The following ANO3 variants were observed in gnomAD, a reference collection of about 807,000 sequenced individuals.
ANO3 encodes anoctamin-3.
In ANO3, 99 loss-of-function variants were observed where a neutral mutation model predicts 144.8. The observed-to-expected ratio is 0.68, with a 90% CI of 0.58 to 0.81. The LOEUF is 0.81. Ranked by LOEUF, ANO3 falls within the 30% of genes least tolerant of loss-of-function variation. The pLI is 0.00. For missense variants in ANO3, 905 were observed against 1,202.2 expected, an observed-to-expected ratio of 0.75 and a Z score of 3.66; for synonymous variants, 414 against 392.6, an observed-to-expected ratio of 1.05 and a Z score of -0.64.
chr11:26,525,709 A>G, intron 7 of ANO3, 30 bp downstream of exon 7: 1 of 1,581,026 alleles, frequency 6.3e-7, no homozygotes, highest in Non-Finnish European at 8.6e-7. Context: ...TTTCTTTATA[A>G]CAAATTTGTC....
chr11:26,520,106 T>G (rs11029596), intron 6 of ANO3, among the ~76,000 whole-genome samples: 24,032 of 152,150 alleles, frequency 0.16, 2,010 homozygotes, highest in South Asian at 0.27. Flanking sequence ...ATTTAAAAAA[T>G]CTTTATCACA....
intron 14 of ANO3, chr11:26,567,131 T>C: frequency 7.0e-7 from 1 of 1,430,340 alleles, no homozygotes; most frequent in Non-Finnish European, 9.2e-7. Flanking sequence ...CAATGGCTAG[T>C]AACAGAAGCT....
At chr11:26,528,453 T>C (rs1053933355) in intron 7 of ANO3, among the ~76,000 whole-genome samples, 9 of 152,218 alleles carry the variant, frequency 5.9e-5, no homozygotes, top group African/African-American at 1.9e-4. Context: ...CAAATGATGG[T>C]CTGAAAACCC....
At chr11:26,264,566 T>C (rs1464778943) in intron 1 of ANO3, among the ~76,000 whole-genome samples, 1 of 152,196 alleles carries the variant, frequency 6.6e-6, no homozygotes, top group Non-Finnish European at 1.5e-5. Context: ...TCATATTTCT[T>C]ATTGCATTAG....
chr11:26,529,515 T>C (rs535902945), intron 7 of ANO3, among the ~76,000 whole-genome samples: 10 of 132,636 alleles, frequency 7.5e-5, no homozygotes, highest in Non-Finnish European at 1.1e-4. Context: ...ATTCCTGAGA[T>C]ACAATACTTG....
At chr11:26,425,537 C>G (rs888103193) in intron 1 of ANO3, among the ~76,000 whole-genome samples, 1 of 151,912 alleles carries the variant, frequency 6.6e-6, no homozygotes, top group Non-Finnish European at 1.5e-5. Flanking sequence ...GTAAATATAA[C>G]TACTGAAATT....
intron 17 of ANO3, among the ~76,000 whole-genome samples, chr11:26,606,742 T>C (rs996396231): frequency 1.3e-5 from 2 of 152,212 alleles, no homozygotes; most frequent in Non-Finnish European, 2.9e-5. Context: ...TTTGTGTCTT[T>C]TAATTGGGGC....
chr11:26,217,382 C>A (rs763184924), intron 1 of ANO3, among the ~76,000 whole-genome samples: 1 of 151,970 alleles, frequency 6.6e-6, no homozygotes, highest in Non-Finnish European at 1.5e-5. Context: ...TCAGCTTGAA[C>A]TTCAAGGAGT....
At chr11:26,460,715 G>A (rs56084821) in intron 3 of ANO3, among the ~76,000 whole-genome samples, 141,387 of 151,864 alleles carry the variant, frequency 0.93, 66,067 homozygotes, top group East Asian at 1. Flanking sequence ...AAAGTAAACA[G>A]AAAAATCTCT....
chr11:26,586,503 C>CTTTTTTTTTTTTTTTT (rs550057766), intron 14 of ANO3, among the ~76,000 whole-genome samples: 1,676 of 81,366 alleles, frequency 0.021, 383 homozygotes, highest in African/African-American at 0.03. Flanking sequence ...TGGTGAGAAT[C>CTTTTTTTTTTTTTTTT]TTTTTTTTTT....
At chr11:26,272,089 G>A (rs375180318) in intron 1 of ANO3, among the ~76,000 whole-genome samples, 2 of 151,788 alleles carry the variant, frequency 1.3e-5, no homozygotes, top group East Asian at 1.9e-4. Flanking sequence ...CCCGGTGAGC[G>A]GTTCCTCTCT....
intron 1 of ANO3, among the ~76,000 whole-genome samples, chr11:26,257,335 G>C (rs1310461926): frequency 6.6e-6 from 1 of 151,890 alleles, no homozygotes; most frequent in Non-Finnish European, 1.5e-5. Context: ...TCTGACCCAA[G>C]GACATGTAAC....
intron 1 of ANO3, among the ~76,000 whole-genome samples, chr11:26,404,888 AT>A (rs1472540869): frequency 6.6e-6 from 1 of 151,018 alleles, no homozygotes; most frequent in Non-Finnish European, 1.5e-5. Flanking sequence ...ATCTTGGAAG[AT>A]TTGCTAATAA....
intron 26 of ANO3, among the ~76,000 whole-genome samples, chr11:26,659,139 T>G (rs1386862835): frequency 6.7e-6 from 1 of 150,154 alleles, no homozygotes; most frequent in Admixed American, 6.7e-5. Flanking sequence ...TATATGTATA[T>G]TGTGTATGTG....
exon 1 of ANO3, chr11:26,309,691 G>A (rs1854463438): frequency 2.0e-6 from 2 of 985,366 alleles, no homozygotes; most frequent in Non-Finnish European, 2.4e-6. Flanking sequence ...AGAAGAGTGT[G>A]TGGGCTGCCA....
At chr11:26,325,518 TG>T (rs1202451284) in intron 1 of ANO3, among the ~76,000 whole-genome samples, 3 of 152,230 alleles carry the variant, frequency 2.0e-5, no homozygotes, top group African/African-American at 7.2e-5. Context: ...AGACTGTAGT[TG>T]GAAGATTAAT....
At chr11:26,311,916 C>T (rs182785864) in intron 1 of ANO3, among the ~76,000 whole-genome samples, 82 of 152,208 alleles carry the variant, frequency 5.4e-4, no homozygotes, top group Middle Eastern at 3.4e-3. Context: ...TTGTTAAATA[C>T]GTATACATGT....
chr11:26,588,371 T>C (rs1851349177), intron 14 of ANO3, among the ~76,000 whole-genome samples: 1 of 152,200 alleles, frequency 6.6e-6, no homozygotes, highest in South Asian at 2.1e-4. Flanking sequence ...AGTGAGAATG[T>C]GGATTACCTG....
chr11:26,519,070 A>G (rs1306742758), intron 6 of ANO3, among the ~76,000 whole-genome samples: 1 of 152,190 alleles, frequency 6.6e-6, no homozygotes. Flanking sequence ...TCCTAATTTC[A>G]GGATCCTTCA....
Sources: gnomAD v4.1 joint callset for allele counts (sites outside exome capture counted in the v4.1 genomes callset) on GRCh38, gnomAD v4.1.1 for gene constraint, MANE v1.5 for transcripts, NCBI Gene and HGNC (gene_info 2026-07-23, HGNC 2026-07-21) for gene names.